Variants in CYP2C19 observed in about 807,000 individuals in gnomAD.
CYP2C19 encodes the protein cytochrome P450 2C19.
Under a neutral mutation model 40.9 loss-of-function variants are expected in CYP2C19, and 59 were observed. The ratio of observed to expected loss-of-function variants is 1.44; its 90% confidence interval spans 1.17 to 1.79. The LOEUF is 1.79. Ranked by LOEUF, CYP2C19 falls within the 40% of genes most tolerant of loss-of-function variation. CYP2C19 has a pLI of 0.00. For missense variants in CYP2C19, 754 were observed against 596.9 expected (o/e 1.26, Z -2.74); for synonymous variants, 253 against 208.7 (o/e 1.21, Z -1.83).
intron 2 of CYP2C19, 69 bp downstream of exon 2, chr10:94,775,289 G>A (rs1848392051): frequency 6.2e-7 from 1 of 1,612,792 alleles, no homozygotes; most frequent in Non-Finnish European, 8.5e-7. Context: ...GACTAGCAGA[G>A]CTTCTCGGGC....
chr10:94,836,695 C>T (rs957682510), intron 6 of CYP2C19, among the ~76,000 whole-genome samples: 9 of 152,150 alleles, frequency 5.9e-5, no homozygotes, highest in Admixed American at 2.6e-4. Flanking sequence ...CACTGAGGGC[C>T]CTGGTGCCTT....
chr10:94,844,835 A>G (rs191453137), intron 7 of CYP2C19, among the ~76,000 whole-genome samples: 141 of 152,312 alleles, frequency 9.3e-4, no homozygotes, highest in African/African-American at 3.3e-3. Flanking sequence ...TTCTTCTCCT[A>G]TAACTAATTA....
In CYP2C19 at chr10:94,828,898, G is replaced by T. The variant is rs367756748; in HGVS notation, c.961+8261G>T. Reference sequence around the variant, plus strand: ...TCTCAGCATTTGCTTGTCTGTAAAGGATTTTATTTCTCCTTCACTTATGAA... The same window carrying T: ...TCTCAGCATTTGCTTGTCTGTAAAGTATTTTATTTCTCCTTCACTTATGAA... On this transcript the variant is annotated intron_variant, in intron 6 of 8. Transcript: ENST00000371321. 8.2e-3 allele frequency among the ~76,000 whole-genome samples: 1,242 copies of T among 151,854 alleles called. 21 individuals carry two copies. Among genetic ancestry groups the T allele is most frequent in the East Asian group, 0.059 (303 of 5,130 alleles).
chr10:94,854,164 G>T lies in CYP2C19; in HGVS notation c.*1250G>T, dbSNP rs529403668. Among the ~76,000 whole-genome samples the T allele has an allele frequency of 6.6e-5, 10 of 151,882 alleles. No individual in the cohort carries two copies. The East Asian group carries it at 1.4e-3, about 21-fold the overall frequency. On this transcript the variant is annotated 3_prime_UTR_variant, in exon 9 of 9. Coordinates refer to ENST00000371321, the MANE Select transcript of CYP2C19 (RefSeq NM_000769.4). ...CCCCCAAGTAGCTGGGATTACAGGT[G>T]CCTACCACCACACCAGGCTAATTTT...
intron 5 of CYP2C19, among the ~76,000 whole-genome samples, chr10:94,801,372 G>C (rs992049095): frequency 2.0e-5 from 3 of 152,162 alleles, no homozygotes; most frequent in African/African-American, 4.8e-5. Flanking sequence ...TTCAGGAGCA[G>C]GTTGTTCAGT....
rs191075281 is a variant in CYP2C19, at chr10:94,820,346, T to C, written c.820-150T>C. On this transcript the variant is annotated intron_variant, in intron 5 of 8. Transcript: ENST00000371321. ...AAACTGGCACAAGACAGGGATGCCC[T>C]CTCTCACCGCTCCTATTCAATATTT... is the stretch of plus-strand genomic sequence containing the variant. 777 of 867,458 alleles carry C rather than the reference T, an allele frequency of 9.0e-4. 3 individuals are homozygous for C. The African/African-American group carries it at 0.011, about 13-fold the overall frequency. 53.7% of individuals were successfully genotyped at this position (867,458 alleles called of 1,614,324 possible). A position where few individuals can be genotyped will look rare whatever the true frequency, so the allele number is the denominator to read the frequency against.
At chr10:94,803,357 T>C (rs1308337614) in intron 5 of CYP2C19, among the ~76,000 whole-genome samples, 1 of 152,198 alleles carries the variant, frequency 6.6e-6, no homozygotes, top group African/African-American at 2.4e-5. Flanking sequence ...TAGTTTTATA[T>C]CGGCCTGTGC....
At chr10:94,828,533 C>T (rs1423886241) in intron 6 of CYP2C19, among the ~76,000 whole-genome samples, 1 of 148,674 alleles carries the variant, frequency 6.7e-6, no homozygotes. Context: ...TTCCTCCATC[C>T]TTTTATTTTG....
At chr10:94,819,455 G>T (rs1294907667) in intron 5 of CYP2C19, among the ~76,000 whole-genome samples, 1 of 56,990 alleles carries the variant, frequency 1.8e-5, no homozygotes, top group Admixed American at 2.0e-4. Context: ...CCAGGAGCTG[G>T]TTTTTTGAAA....
At chr10:94,786,741 C>G (rs1181970845) in intron 5 of CYP2C19, among the ~76,000 whole-genome samples, 1 of 152,000 alleles carries the variant, frequency 6.6e-6, no homozygotes, top group Non-Finnish European at 1.5e-5. Context: ...ATCTTTGTGT[C>G]CCACTTTTAT....
chr10:94,839,227 A>G (rs1217472104), intron 6 of CYP2C19, among the ~76,000 whole-genome samples: 4 of 152,146 alleles, frequency 2.6e-5, no homozygotes, highest in Admixed American at 2.0e-4. Flanking sequence ...TTGACCACAA[A>G]GAAAGGGGCC....
intron 1 of CYP2C19, among the ~76,000 whole-genome samples, chr10:94,771,755 A>G (rs778071902): frequency 6.6e-6 from 1 of 152,038 alleles, no homozygotes; most frequent in Non-Finnish European, 1.5e-5. Flanking sequence ...GAATAGTTGC[A>G]CTCACTGATG....
chr10:94,809,777 G>A (rs1848886975), intron 5 of CYP2C19, among the ~76,000 whole-genome samples: 3 of 152,014 alleles, frequency 2.0e-5, no homozygotes, highest in Admixed American at 2.0e-4. Context: ...AGCATGAAGG[G>A]GAGTTGAATT....
rs958217454 is a variant in CYP2C19, at chr10:94,820,200, C to T, written c.820-296C>T. On this transcript the variant is annotated intron_variant, in intron 5 of 8. Coordinates refer to ENST00000371321, the MANE Select transcript of CYP2C19 (RefSeq NM_000769.4). ...TGACAAAATTCAACAACCCTTCATG[C>T]TAAAAACTCTCAATAAATTAGGTAT... Among the ~76,000 whole-genome samples, 26 of 152,040 alleles carry T rather than the reference C, an allele frequency of 1.7e-4. 1 individual carries two copies. The highest frequency in any genetic ancestry group is 2.9e-4 in the Non-Finnish European group (20 of 67,998).
chr10:94,810,129 C>T (rs1848891573), intron 5 of CYP2C19, among the ~76,000 whole-genome samples: 3 of 152,156 alleles, frequency 2.0e-5, no homozygotes, highest in Admixed American at 2.0e-4. Context: ...ATCCACCCAC[C>T]TCAGCCTCCC....
At chr10:94,802,963 T>A (rs1279481800) in intron 5 of CYP2C19, among the ~76,000 whole-genome samples, 1 of 152,230 alleles carries the variant, frequency 6.6e-6, no homozygotes, top group East Asian at 1.9e-4. Context: ...CCACTGTTAC[T>A]CTAATGGGTT....
At chr10:94,813,207 C>G (rs1449352947) in intron 5 of CYP2C19, among the ~76,000 whole-genome samples, 1 of 152,124 alleles carries the variant, frequency 6.6e-6, no homozygotes, top group Non-Finnish European at 1.5e-5. Flanking sequence ...GGCCACAGAA[C>G]AGCAAAGATT....
At chr10:94,779,668 C>T (rs1848457677) in intron 3 of CYP2C19, among the ~76,000 whole-genome samples, 1 of 149,292 alleles carries the variant, frequency 6.7e-6, no homozygotes, top group Admixed American at 6.8e-5. Flanking sequence ...TCAAGTGATT[C>T]TCCTGCCTCA....
intron 6 of CYP2C19, among the ~76,000 whole-genome samples, chr10:94,827,462 A>G (rs1341590782): frequency 1.3e-5 from 2 of 152,014 alleles, no homozygotes; most frequent in African/African-American, 4.8e-5. Context: ...AGGTGTTTGT[A>G]GTATTCTCTG....
Sources: gnomAD v4.1 joint callset for allele counts (sites outside exome capture counted in the v4.1 genomes callset) on GRCh38, gnomAD v4.1.1 for gene constraint, MANE v1.5 for transcripts, NCBI Gene and HGNC (gene_info 2026-07-23, HGNC 2026-07-21) for gene names.